Variants in SMARCA5 observed in about 807,000 individuals in gnomAD.
SMARCA5 encodes the protein SWI/SNF-related matrix-associated actin-dependent regulator of chromatin subfamily A member 5.
SMARCA5 carries 18 observed loss-of-function variants against 140.4 expected under a neutral mutation model. The ratio of observed to expected loss-of-function variants is 0.13; its 90% confidence interval spans 0.09 to 0.19. The LOEUF is 0.19. SMARCA5 is among the 10% of genes least tolerant of loss of function. The pLI is 1.00. For missense variants in SMARCA5, 606 were observed against 1,276.8 expected (o/e 0.47, Z 8.01); for synonymous variants, 449 against 419.6 (o/e 1.07, Z -0.86).
At chr4:143,547,588 G>A (rs867017594) in intron 21 of SMARCA5, 85 bp downstream of exon 21, 1 of 756,846 alleles carries the variant, frequency 1.3e-6, no homozygotes, top group Admixed American at 2.3e-5. Context: ...TAAAGGAAAA[G>A]AAGTAAGGGT....
At position 143,535,649 on chromosome 4, in the gene SMARCA5, A is replaced by G. The variant is rs1269106842; in HGVS notation, c.1268+685A>G. Among the ~76,000 whole-genome samples, 7 of 152,178 alleles carry G rather than the reference A, an allele frequency of 4.6e-5. No homozygotes were observed. In the East Asian group the frequency reaches 1.2e-3, roughly 25 times the overall value. On this transcript the variant is annotated intron_variant, in intron 10 of 23. Coordinates refer to ENST00000283131, the MANE Select transcript of SMARCA5 (RefSeq NM_003601.4). ...TCTAAAACAGAACTAAGATGAGTCAATGCTAAGGAAAGACAAATCTTTTTT... is the reference window on the plus strand; with the variant it reads ...TCTAAAACAGAACTAAGATGAGTCAGTGCTAAGGAAAGACAAATCTTTTTT...
chr4:143,525,941 T>C (rs1468895954), intron 5 of SMARCA5, among the ~76,000 whole-genome samples: 1 of 152,222 alleles, frequency 6.6e-6, no homozygotes, highest in Admixed American at 6.5e-5. Context: ...GTAATGAATG[T>C]TTAAAAAAGT....
intron 20 of SMARCA5, among the ~76,000 whole-genome samples, chr4:143,547,118 C>T (rs371941961): frequency 2.0e-5 from 3 of 152,050 alleles, no homozygotes; most frequent in African/African-American, 7.2e-5. Context: ...CTAACTCTAG[C>T]GACAGCAAAG....
chr4:143,543,146 T>TGG (rs1300743079), intron 14 of SMARCA5, among the ~76,000 whole-genome samples: 1 of 152,104 alleles, frequency 6.6e-6, no homozygotes, highest in Non-Finnish European at 1.5e-5. Flanking sequence ...GAGTATTAGT[T>TGG]AATAACACCT....
At chr4:143,519,846 C>T (rs1736920364) in intron 2 of SMARCA5, among the ~76,000 whole-genome samples, 1 of 152,154 alleles carries the variant, frequency 6.6e-6, no homozygotes, top group Non-Finnish European at 1.5e-5. Context: ...AATGTCCCCA[C>T]TCTGATCAGT....
At chr4:143,542,431 G>T (rs150067236) in intron 14 of SMARCA5, among the ~76,000 whole-genome samples, 1 of 152,134 alleles carries the variant, frequency 6.6e-6, no homozygotes, top group South Asian at 2.1e-4. Flanking sequence ...TGCCCAACTT[G>T]GAAGTAGTTT....
rs1425360880 is a variant in SMARCA5 at position 143,525,571 on chromosome 4, T to G, written c.621+20T>G. The stretch of plus-strand genomic sequence containing the variant: ...GAAATGGTATGTGTTGGTAGTTTTT[T>G]TTGAAGGGTATGTTTTGTATTGAAA... On this transcript the variant is annotated intron_variant, in intron 5 of 23. Transcript: ENST00000283131. The G allele has an allele frequency of 2.7e-6, 4 of 1,465,080 alleles. No individual in the cohort carries two copies. The African/African-American group carries it at 5.6e-5, about 20-fold the overall frequency. 90.8% of individuals were successfully genotyped at this position (1,465,080 alleles called of 1,614,324 possible). A position where few individuals can be genotyped will look rare whatever the true frequency, so the allele number is the denominator to read the frequency against.
At chr4:143,542,498 C>T (rs1440297041) in intron 14 of SMARCA5, among the ~76,000 whole-genome samples, 4 of 152,128 alleles carry the variant, frequency 2.6e-5, no homozygotes, top group Admixed American at 2.0e-4. Flanking sequence ...AGGAAACATA[C>T]CTTGTGGATA....
chr4:143,551,834 G>A (rs1461054710), intron 23 of SMARCA5, among the ~76,000 whole-genome samples: 2 of 152,054 alleles, frequency 1.3e-5, no homozygotes. Flanking sequence ...TATAAGTTAA[G>A]TCAGGTAATG....
chr4:143,552,987 A>G lies in SMARCA5; in HGVS notation c.3094-132A>G, dbSNP rs940661988. Reference sequence around the variant, plus strand: ...TTATAGTTTGCTTTGAAAGATTTATATAGCCTGGGGGAAAAGTCTCATACC... The same window carrying G: ...TTATAGTTTGCTTTGAAAGATTTATGTAGCCTGGGGGAAAAGTCTCATACC... On this transcript the variant is annotated intron_variant, in intron 23 of 23. Transcript: ENST00000283131. The G allele has an allele frequency of 5.2e-5, 33 of 632,424 alleles. 1 individual carries two copies. The highest frequency in any genetic ancestry group is 2.5e-4 in the South Asian group (12 of 47,948). The allele number at this position is 632,424 out of a possible 1,614,324, so 39.2% of individuals were successfully genotyped here.
In SMARCA5 at chr4:143,547,213, T is replaced by C. The variant is rs149479986; in HGVS notation, c.2654-172T>C. 2.6e-5 allele frequency among the ~76,000 whole-genome samples: 4 copies of C among 152,284 alleles called. No individual in the cohort carries two copies. The East Asian group carries it at 7.7e-4, about 29-fold the overall frequency. On this transcript the variant is annotated intron_variant, in intron 20 of 23. Transcript: ENST00000283131. Reference sequence around the variant, plus strand: ...AACTTCAAGTATTATGTGTTGTGTTTCCTGAAGTCAGTTGTATTATTAGGT... The same window carrying C: ...AACTTCAAGTATTATGTGTTGTGTTCCCTGAAGTCAGTTGTATTATTAGGT...
chr4:143,532,118 A>G (rs1433525169), intron 9 of SMARCA5, among the ~76,000 whole-genome samples: 3 of 152,226 alleles, frequency 2.0e-5, no homozygotes, highest in Non-Finnish European at 2.9e-5. Flanking sequence ...TAAGTTCATG[A>G]TTGTTCAAAT....
At chr4:143,539,048 A>T in intron 13 of SMARCA5, 110 bp downstream of exon 13, 1 of 928,440 alleles carries the variant, frequency 1.1e-6, no homozygotes, top group Non-Finnish European at 1.6e-6. Context: ...ATTTTTCTCT[A>T]ATCTAATGGT....
In SMARCA5 at chr4:143,514,070, C is replaced by T. The variant is rs748958303; in HGVS notation, c.146C>T (p.Ala49Val). The T allele has an allele frequency of 7.7e-6, 12 of 1,559,836 alleles. No individual in the cohort carries two copies. The East Asian group carries it at 2.6e-4, about 34-fold the overall frequency. Residue 49 changes from alanine to valine, a missense_variant, in exon 1 of 24, where the codon GCC (alanine) becomes GTC (valine). Around this residue, in one of 10 missense-constraint regions of SMARCA5, gnomAD observed 164 missense variants for 128.4 expected, o/e 1.28. Transcript: ENST00000283131. ...GVAAQAVASA[A>V]SAGPADAEME... ...GCGGCGCAGGCGGTTGCGTCTGCGG[C>T]CAGCGCTGGTCCCGCAGACGCCGAG...
intron 6 of SMARCA5, among the ~76,000 whole-genome samples, chr4:143,526,996 T>C (rs1039008578): frequency 2.0e-5 from 3 of 152,224 alleles, no homozygotes; most frequent in African/African-American, 7.2e-5. Flanking sequence ...TATTTTCTTG[T>C]TTTTAAAAGA....
At chr4:143,514,369 C>G in intron 1 of SMARCA5, 2 of 429,732 alleles carry the variant, frequency 4.7e-6, no homozygotes, top group Non-Finnish European at 8.3e-6. Context: ...TCTCAGTGAA[C>G]AGATGTTCTT....
At chr4:143,514,142 A>C in intron 1 of SMARCA5, 41 bp downstream of exon 1, 1 of 1,475,234 alleles carries the variant, frequency 6.8e-7, no homozygotes, top group South Asian at 1.3e-5. Flanking sequence ...TGCAGCGGGG[A>C]GGAGGAGCTG....
intron 8 of SMARCA5, 107 bp from the exon 9 acceptor site, chr4:143,530,351 G>T: frequency 9.3e-6 from 6 of 645,860 alleles, no homozygotes; most frequent in Middle Eastern, 4.5e-4. Context: ...TTTTTTGTGG[G>T]TTACAATTCA....
At chr4:143,524,818 T>A (rs1486675909) in intron 4 of SMARCA5, among the ~76,000 whole-genome samples, 3 of 152,220 alleles carry the variant, frequency 2.0e-5, no homozygotes, top group Non-Finnish European at 4.4e-5. Context: ...TATATTAATT[T>A]AATTTTTTGT....
Sources: allele counts gnomAD v4.1 joint callset (sites outside exome capture counted in the v4.1 genomes callset), GRCh38; gene constraint gnomAD v4.1.1; regional missense constraint gnomAD v4.1.1; transcripts MANE v1.5; gene names NCBI Gene and HGNC (gene_info 2026-07-23, HGNC 2026-07-21).